Variants in WDR41 observed in about 807,000 individuals in gnomAD.
The protein encoded by WDR41 is WD repeat-containing protein 41.
A neutral mutation model predicts 69.3 loss-of-function variants in WDR41; 63 were observed. That is an observed-to-expected ratio of 0.91 (90% confidence interval 0.74 to 1.12). The LOEUF is 1.12. Among genes scored for constraint, WDR41 ranks in the 50% most tolerant of loss-of-function variants. WDR41 has a pLI of 0.00. For synonymous variants in WDR41, 185 were observed against 192.1 expected (o/e 0.96, Z 0.31); for missense variants, 543 against 534.5 (o/e 1.02, Z -0.16).
At chr5:77,455,351 T>G (rs1228663233) in intron 5 of WDR41, among the ~76,000 whole-genome samples, 2 of 152,232 alleles carry the variant, frequency 1.3e-5, no homozygotes, top group Admixed American at 6.5e-5. Flanking sequence ...TATTGAATTC[T>G]TCATATATTG....
chr5:77,449,797 A>T lies in WDR41; in HGVS notation c.660T>A (p.Asp220Glu). The change falls in exon 8 of 13, where the codon GAT becomes GAA. Residue 220 changes from aspartate (D) to glutamate (E), a missense_variant. By Grantham distance (45) the Asp-to-Glu change is conservative. Transcript: ENST00000296679. ...TCAATGAGAGAATATTATCCTGGTG[A>T]TCAAGGAGGCGCTTAACTTCAAGAA... ...WDILEVKRLLDHQDNILSLIN... is the reference protein window; with the variant it reads ...WDILEVKRLLEHQDNILSLIN... 1 of 1,613,540 alleles carries T rather than the reference A, an allele frequency of 6.2e-7. No homozygotes were observed. The highest frequency in any genetic ancestry group is 1.3e-5 in the African/African-American group (1 of 75,050).
At chr5:77,446,342 T>C (rs1337337027) in intron 8 of WDR41, among the ~76,000 whole-genome samples, 1 of 152,150 alleles carries the variant, frequency 6.6e-6, no homozygotes, top group African/African-American at 2.4e-5. Flanking sequence ...AAAATGGCCA[T>C]ATTGCCTAAA....
Position 77,463,131 on chromosome 5 carries a change from T to G in WDR41, c.312A>C (p.Gln104His), listed in dbSNP as rs756777440. 1 of 1,612,482 alleles carries G rather than the reference T, an allele frequency of 6.2e-7. No individual in the cohort carries two copies. The highest frequency in any genetic ancestry group is 8.5e-7 in the Non-Finnish European group (1 of 1,179,294). The change falls in exon 4 of 13, where the codon CAA (glutamine) becomes CAC (histidine). Residue 104 changes from glutamine (Q) to histidine (H), a missense_variant. Transcript: ENST00000296679. The part of the protein sequence containing the change: ...PSLESCEEKN[Q>H]LILTASADRT... ...TATCAGCAGAGGCTGTCAAGATGAG[T>G]TGATTTTTCTCTTCACAAGATTCCA...
chr5:77,613,013 G>T (rs1433571590), intron 1 of WDR41, among the ~76,000 whole-genome samples: 2 of 149,430 alleles, frequency 1.3e-5, no homozygotes, highest in African/African-American at 2.5e-5. Context: ...GACAAACAGA[G>T]AGCCAAATCA....
At chr5:77,604,852 T>G (rs142534796) in intron 1 of WDR41, among the ~76,000 whole-genome samples, 1 of 152,094 alleles carries the variant, frequency 6.6e-6, no homozygotes, top group African/African-American at 2.4e-5. Flanking sequence ...ATCTCTCCAA[T>G]GTACACTATA....
chr5:77,571,979 C>T (rs1743741655), intron 1 of WDR41, among the ~76,000 whole-genome samples: 1 of 152,106 alleles, frequency 6.6e-6, no homozygotes, highest in Non-Finnish European at 1.5e-5. Flanking sequence ...TTCTGAGCCA[C>T]ACAATTCTGC....
At chr5:77,471,026 G>A (rs1392856913) in intron 2 of WDR41, among the ~76,000 whole-genome samples, 1 of 152,196 alleles carries the variant, frequency 6.6e-6, no homozygotes, top group Non-Finnish European at 1.5e-5. Context: ...ATAGTTGGAA[G>A]TAAAGCACTC....
chr5:77,529,978 C>T (rs1440813766), intron 1 of WDR41, among the ~76,000 whole-genome samples: 1 of 151,508 alleles, frequency 6.6e-6, no homozygotes, highest in Non-Finnish European at 1.5e-5. Flanking sequence ...ATGACTGATA[C>T]ATCTTACATA....
At chr5:77,436,149 C>T (rs1421669849) in intron 12 of WDR41, 112 bp downstream of exon 12, 3 of 1,377,820 alleles carry the variant, frequency 2.2e-6, no homozygotes, top group Non-Finnish European at 2.9e-6. Context: ...ATCTGACAAA[C>T]ACCTACAGAT....
At chr5:77,516,782 G>A (rs1008339238) in intron 1 of WDR41, among the ~76,000 whole-genome samples, 1 of 152,174 alleles carries the variant, frequency 6.6e-6, no homozygotes, top group Admixed American at 6.5e-5. Flanking sequence ...ACTTTGGGAG[G>A]CCGAGGCGGG....
chr5:77,607,070 T>A lies in WDR41; in HGVS notation c.42+13409A>T, dbSNP rs1433906355. On this transcript the variant is annotated intron_variant, in intron 1 of 5. Coordinates refer to the WDR41 transcript ENST00000509971. ...AAGACAAACCAAGCAGTAGTACACA[T>A]GGAGAGAAAAGCAAAAAGCTCAGGA... 2.0e-5 allele frequency among the ~76,000 whole-genome samples: 3 copies of A among 151,868 alleles called. No homozygotes were observed. The East Asian group carries it at 5.8e-4, about 29-fold the overall frequency.
At chr5:77,514,374 C>T (rs1802261392) in intron 1 of WDR41, among the ~76,000 whole-genome samples, 1 of 152,136 alleles carries the variant, frequency 6.6e-6, no homozygotes, top group South Asian at 2.1e-4. Context: ...AAAGGTCACA[C>T]CTTTAATTAG....
intron 2 of WDR41, among the ~76,000 whole-genome samples, chr5:77,482,677 G>A (rs971544944): frequency 1.3e-5 from 2 of 151,940 alleles, no homozygotes; most frequent in African/African-American, 4.8e-5. Flanking sequence ...ATAATTTCTG[G>A]CTATCTTGTG....
At chr5:77,561,943 G>A (rs1743534775) in intron 1 of WDR41, among the ~76,000 whole-genome samples, 1 of 152,044 alleles carries the variant, frequency 6.6e-6, no homozygotes, top group East Asian at 1.9e-4. Context: ...ATTACCTCCA[G>A]CTTTTTCAAA....
At chr5:77,589,881 G>A (rs1265957398) in intron 1 of WDR41, among the ~76,000 whole-genome samples, 2 of 152,016 alleles carry the variant, frequency 1.3e-5, no homozygotes, top group Non-Finnish European at 2.9e-5. Flanking sequence ...GGTGAGAGCT[G>A]GCACCCTTTT....
chr5:77,453,720 C>G, intron 6 of WDR41, 97 bp downstream of exon 6: 1 of 911,952 alleles, frequency 1.1e-6, no homozygotes, highest in Non-Finnish European at 1.7e-6. Context: ...GAAAAATCCC[C>G]TATATTGACC....
chr5:77,475,920 T>C (rs1272991934), intron 2 of WDR41, among the ~76,000 whole-genome samples: 3 of 151,890 alleles, frequency 2.0e-5, no homozygotes, highest in Non-Finnish European at 2.9e-5. Flanking sequence ...TTGAAAACTT[T>C]GAAAAAAAAT....
At chr5:77,473,136 G>C (rs780464470) in intron 2 of WDR41, among the ~76,000 whole-genome samples, 1 of 151,646 alleles carries the variant, frequency 6.6e-6, no homozygotes. Context: ...CAGAAATAAC[G>C]CCGCATATCT....
At chr5:77,442,840 C>T (rs543648534) in intron 8 of WDR41, among the ~76,000 whole-genome samples, 35 of 136,500 alleles carry the variant, frequency 2.6e-4, no homozygotes, top group African/African-American at 9.2e-4. Context: ...TGCAGTAAGC[C>T]GAGATCGCGC....
Sources: allele counts gnomAD v4.1 joint callset (sites outside exome capture counted in the v4.1 genomes callset), GRCh38; gene constraint gnomAD v4.1.1; transcripts MANE v1.5; gene names NCBI Gene and HGNC (gene_info 2026-07-23, HGNC 2026-07-21).